HS6ST2: variants seen among roughly 807,000 people sequenced by gnomAD.
The protein encoded by HS6ST2 is heparan-sulfate 6-O-sulfotransferase 2.
In HS6ST2, 17 loss-of-function variants were observed where a neutral mutation model predicts 33.0. That is an observed-to-expected ratio of 0.52 (90% CI 0.35 to 0.77). The LOEUF (loss-of-function observed/expected upper bound fraction) is 0.77, where lower values mean the gene tolerates loss of function less well. HS6ST2 is among the 30% of genes least tolerant of loss of function. HS6ST2 has a pLI of 0.01. For synonymous variants in HS6ST2, 248 were observed against 237.1 expected (o/e 1.05, Z -0.42); for missense variants, 519 against 551.7 (o/e 0.94, Z 0.59).
chrX:132,719,107 G>A (rs1026300387), intron 2 of HS6ST2, among the ~76,000 whole-genome samples: 2 of 111,473 alleles, frequency 1.8e-5, no homozygotes, highest in African/African-American at 6.5e-5. Context: ...GGAAAGAGTT[G>A]TGCTTGCCAA....
chrX:132,885,502 T>A (rs922087845), intron 2 of HS6ST2, among the ~76,000 whole-genome samples: 16 of 111,741 alleles, frequency 1.4e-4, no homozygotes, highest in African/African-American at 5.2e-4. Context: ...TTGAAGAAGC[T>A]AGAAAGGAGA....
chrX:132,876,169 T>G (rs770323804), intron 2 of HS6ST2, among the ~76,000 whole-genome samples: 3 of 111,715 alleles, frequency 2.7e-5, no homozygotes, highest in African/African-American at 9.7e-5. Context: ...CCCTTTGTGT[T>G]GAAAATGTCA....
intron 4 of HS6ST2, among the ~76,000 whole-genome samples, chrX:132,629,521 C>G (rs917036323): frequency 8.9e-6 from 1 of 112,274 alleles, no homozygotes; most frequent in Non-Finnish European, 1.9e-5. Flanking sequence ...TCATTGGAAG[C>G]ACATACTTTA....
chrX:132,639,307 T>C (rs761175183), intron 4 of HS6ST2, among the ~76,000 whole-genome samples: 8 of 112,113 alleles, frequency 7.1e-5, no homozygotes, highest in African/African-American at 9.7e-5. Context: ...TTATGACCCA[T>C]AGTTGCAGGC....
chrX:132,916,010 G>T (rs11096353), intron 2 of HS6ST2, among the ~76,000 whole-genome samples: 12,336 of 110,632 alleles, frequency 0.11, 1,664 homozygotes, highest in African/African-American at 0.38. Context: ...TGGGATTACA[G>T]ACGTGAGCCA....
chrX:132,949,750 G>C (rs1192307561), intron 2 of HS6ST2, among the ~76,000 whole-genome samples: 2 of 111,550 alleles, frequency 1.8e-5, no homozygotes, highest in African/African-American at 6.5e-5. Context: ...CAGAAAAGCA[G>C]AATAAGAAAA....
chrX:132,705,491 C>T (rs1164423936), intron 3 of HS6ST2, among the ~76,000 whole-genome samples: 1 of 111,301 alleles, frequency 9.0e-6, no homozygotes, highest in African/African-American at 3.3e-5. Flanking sequence ...CCCCAAATCA[C>T]TGTAAGATTA....
intron 2 of HS6ST2, among the ~76,000 whole-genome samples, chrX:132,869,531 A>G (rs1049948672): frequency 5.3e-5 from 6 of 112,153 alleles, no homozygotes; most frequent in Non-Finnish European, 1.1e-4. Flanking sequence ...AATACTGGCA[A>G]ACCGAATCCA....
chrX:132,682,632 C>G (rs928359699), intron 3 of HS6ST2, among the ~76,000 whole-genome samples: 2 of 106,172 alleles, frequency 1.9e-5, no homozygotes, highest in African/African-American at 3.5e-5. Context: ...ACTCTAATGA[C>G]GTTTACTTTT....
intron 2 of HS6ST2, among the ~76,000 whole-genome samples, chrX:132,788,222 A>G (rs1429228112): frequency 7.2e-5 from 8 of 111,811 alleles, no homozygotes; most frequent in African/African-American, 2.6e-4. Context: ...TTCCAACAGC[A>G]TGTGCTCACT....
chrX:132,719,644 G>T (rs2227141), intron 2 of HS6ST2, among the ~76,000 whole-genome samples: 93 of 111,354 alleles, frequency 8.4e-4, no homozygotes, highest in African/African-American at 2.8e-3. Flanking sequence ...TGGCCCCTTC[G>T]TTTCTCTGTG....
At chrX:132,637,886 A>T in intron 4 of HS6ST2, among the ~76,000 whole-genome samples, 1 of 57,360 alleles carries the variant, frequency 1.7e-5, no homozygotes, top group East Asian at 4.8e-4. Flanking sequence ...ATATATATAT[A>T]ATATTTTATA....
chrX:132,808,482 T>C (rs1258604786), intron 2 of HS6ST2, among the ~76,000 whole-genome samples: 3 of 111,611 alleles, frequency 2.7e-5, no homozygotes, highest in African/African-American at 9.8e-5. Flanking sequence ...ATGGCTCCAC[T>C]TTCTCCAAAA....
chrX:132,947,836 T>C (rs1293297388), intron 2 of HS6ST2, among the ~76,000 whole-genome samples: 2 of 111,489 alleles, frequency 1.8e-5, no homozygotes, highest in African/African-American at 6.5e-5. Flanking sequence ...TGTAACTTGG[T>C]CCCCCTAGTC....
intron 3 of HS6ST2, among the ~76,000 whole-genome samples, chrX:132,700,399 G>A (rs933847105): frequency 1.8e-5 from 2 of 110,560 alleles, no homozygotes; most frequent in Non-Finnish European, 3.8e-5. Context: ...ATTTTTTTCT[G>A]AGGTGCAATT....
chrX:132,943,474 A>G (rs947320559), intron 2 of HS6ST2, among the ~76,000 whole-genome samples: 10 of 111,462 alleles, frequency 9.0e-5, no homozygotes, highest in Non-Finnish European at 1.7e-4. Flanking sequence ...ATTCCAATCA[A>G]TAGAAAAAGA....
intron 2 of HS6ST2, among the ~76,000 whole-genome samples, chrX:132,718,709 A>G (rs1157006862): frequency 1.8e-5 from 2 of 110,568 alleles, no homozygotes; most frequent in East Asian, 5.8e-4. Context: ...AGTGCCAAGC[A>G]CTTGAATACA....
intron 3 of HS6ST2, among the ~76,000 whole-genome samples, chrX:132,679,696 G>A (rs1052559923): frequency 9.1e-6 from 1 of 109,320 alleles, no homozygotes; most frequent in African/African-American, 3.3e-5. Context: ...GGAGCGCTAT[G>A]GGAGACTGGG....
intron 2 of HS6ST2, among the ~76,000 whole-genome samples, chrX:132,732,477 C>G (rs767523837): frequency 1.8e-5 from 2 of 111,685 alleles, no homozygotes; most frequent in Non-Finnish European, 3.8e-5. Context: ...ACCGTTTGGC[C>G]GTGTTCCCAT....
Sources: allele counts gnomAD v4.1 joint callset (sites outside exome capture counted in the v4.1 genomes callset), GRCh38; gene constraint gnomAD v4.1.1; transcripts MANE v1.5; gene names NCBI Gene and HGNC (gene_info 2026-07-23, HGNC 2026-07-21).